Variants in HIVEP3 observed in about 807,000 individuals in gnomAD.
HIVEP3 encodes transcription factor HIVEP3.
A neutral mutation model predicts 152.8 loss-of-function variants in HIVEP3; 49 were observed. That is an observed-to-expected ratio of 0.32 (90% CI 0.26 to 0.41). The LOEUF is 0.41. HIVEP3 is among the 10% of genes least tolerant of loss of function. The pLI, the probability that HIVEP3 is intolerant of heterozygous loss-of-function variation, is 1.00. For synonymous variants in HIVEP3, 1,269 were observed against 1,289.0 expected, an observed-to-expected ratio of 0.98 and a Z score of 0.33; for missense variants, 2,790 against 3,103.3, an observed-to-expected ratio of 0.90 and a Z score of 2.40.
chr1:41,876,359 C>T (rs1229898430), intron 1 of HIVEP3, among the ~76,000 whole-genome samples: 1 of 152,122 alleles, frequency 6.6e-6, no homozygotes, highest in African/African-American at 2.4e-5. Flanking sequence ...GGGTTCAAGT[C>T]CCAACTCTGC....
At chr1:41,891,521 G>A (rs1208855911) in intron 1 of HIVEP3, among the ~76,000 whole-genome samples, 1 of 152,196 alleles carries the variant, frequency 6.6e-6, no homozygotes, top group African/African-American at 2.4e-5. Flanking sequence ...CCTGCTCTGG[G>A]AGTCAACGCT....
At position 41,994,501 on chromosome 1, in the gene HIVEP3, T is replaced by C. The variant is rs142940034; in HGVS notation, n.119+41306A>G. 2.7e-3 allele frequency among the ~76,000 whole-genome samples: 418 copies of C among 152,304 alleles called. 2 individuals are homozygous for C. The highest frequency in any genetic ancestry group is 0.014 in the Middle Eastern group (4 of 294). On this transcript the variant is annotated intron_variant and non_coding_transcript_variant, in intron 1 of 3. Transcript: ENST00000489103. Reference sequence around the variant, plus strand: ...GGTTTCCCCCATGCTGTTCTCATGATAGTGAATGAGTTCTTGCGAGATGTG... The same window carrying C: ...GGTTTCCCCCATGCTGTTCTCATGACAGTGAATGAGTTCTTGCGAGATGTG...
chr1:41,998,538 T>G (rs1645408156), intron 1 of HIVEP3, among the ~76,000 whole-genome samples: 1 of 152,248 alleles, frequency 6.6e-6, no homozygotes, highest in Admixed American at 6.5e-5. Context: ...AATGGATGTT[T>G]GTAAACCACA....
Position 41,513,675 on chromosome 1 carries a change from T to C in HIVEP3, c.5546A>G (p.Asp1849Gly). 1 of 1,612,630 alleles carries C rather than the reference T, an allele frequency of 6.2e-7. No homozygotes were observed. Among genetic ancestry groups the C allele is most frequent in the Non-Finnish European group, 8.5e-7 (1 of 1,179,468 alleles). ...SEAVEEHQFS[D>G]LEDSDSDSDL... ...TGAGTCTGAGTCCGAGTCCTCCAGG[T>C]CCGAAAACTGGTGCTCCTCCACAGC... is the stretch of plus-strand genomic sequence containing the variant. Residue 1849 changes from aspartate to glycine, a missense_variant, in exon 8 of 9, where the codon GAC (aspartate) becomes GGC (glycine). Around this residue, in one of 9 missense-constraint regions of HIVEP3, gnomAD observed 816 missense variants for 806.5 expected, o/e 1.01. Coordinates refer to ENST00000372583, the MANE Select transcript of HIVEP3 (RefSeq NM_024503.5).
At chr1:41,676,571 T>C (rs1429432941) in intron 2 of HIVEP3, among the ~76,000 whole-genome samples, 2 of 152,224 alleles carry the variant, frequency 1.3e-5, no homozygotes, top group Admixed American at 6.5e-5. Context: ...ATGATTTACA[T>C]ATTTTGCCTC....
intron 1 of HIVEP3, among the ~76,000 whole-genome samples, chr1:41,815,474 AAAAG>A (rs1651204571): frequency 6.6e-6 from 1 of 152,184 alleles, no homozygotes; most frequent in South Asian, 2.1e-4. Flanking sequence ...CTGTCTCAAA[AAAAG>A]AAAGAAAAAA....
chr1:41,753,936 TG>T (rs1437836685), intron 1 of HIVEP3, among the ~76,000 whole-genome samples: 2 of 151,436 alleles, frequency 1.3e-5, no homozygotes, highest in African/African-American at 4.9e-5. Flanking sequence ...CAGCGGGTGG[TG>T]GGGGTAAGAG....
intron 3 of HIVEP3, among the ~76,000 whole-genome samples, chr1:41,609,832 T>A (rs540534895): frequency 6.6e-6 from 1 of 152,384 alleles, no homozygotes; most frequent in African/African-American, 2.4e-5. Flanking sequence ...TAATTTTGTG[T>A]CAAGTTGGCT....
At chr1:41,517,112 G>A (rs1341478867) in intron 7 of HIVEP3, among the ~76,000 whole-genome samples, 1 of 152,222 alleles carries the variant, frequency 6.6e-6, no homozygotes, top group Non-Finnish European at 1.5e-5. Flanking sequence ...GTGGCTCTGA[G>A]CATCCTCGTT....
At chr1:41,566,857 G>A (rs958683672) in intron 5 of HIVEP3, among the ~76,000 whole-genome samples, 8 of 152,130 alleles carry the variant, frequency 5.3e-5, no homozygotes, top group Non-Finnish European at 7.4e-5. Context: ...CCCTAGAAAT[G>A]CTGGTATCCT....
chr1:42,019,371 A>G (rs967806395), intron 1 of HIVEP3, among the ~76,000 whole-genome samples: 2 of 152,052 alleles, frequency 1.3e-5, no homozygotes, highest in East Asian at 3.8e-4. Context: ...CATTCTATGA[A>G]CATGGTATAT....
intron 1 of HIVEP3, among the ~76,000 whole-genome samples, chr1:41,977,679 A>G (rs1334801606): frequency 1.3e-5 from 2 of 152,226 alleles, no homozygotes; most frequent in Admixed American, 6.5e-5. Flanking sequence ...TGCAACATAC[A>G]AGGACAGTGC....
chr1:41,565,323 G>A (rs1002004831), intron 5 of HIVEP3, among the ~76,000 whole-genome samples: 5 of 150,496 alleles, frequency 3.3e-5, no homozygotes, highest in African/African-American at 1.2e-4. Flanking sequence ...AGCACATTAT[G>A]TAGAGATATG....
chr1:41,582,583 T>A lies in HIVEP3; in HGVS notation c.2215A>T (p.Ser739Cys). The change falls in exon 4 of 9, where the codon AGC (serine) becomes TGC (cysteine). Residue 739 changes from serine (S) to cysteine (C), a missense_variant. Ser to Cys is a moderately radical substitution (Grantham distance 112). This residue lies in a region of HIVEP3 where 339 missense variants were observed against 327.0 expected (regional missense o/e 1.04). Transcript: ENST00000372583. The surrounding 1 kb of genome is among the most constrained non-coding windows in gnomAD (Gnocchi z 4.7). ...AFESTKSQFG[S>C]PGPSDAARNL... ...CGAGCAGCATCAGATGGCCCGGGGC[T>A]GCCAAACTGACTTTTTGTGGACTCA... 1 of 1,612,576 alleles carries A rather than the reference T, an allele frequency of 6.2e-7. No individual in the cohort carries two copies. The highest frequency in any genetic ancestry group is 8.5e-7 in the Non-Finnish European group (1 of 1,179,166).
intron 5 of HIVEP3, among the ~76,000 whole-genome samples, chr1:41,527,608 T>A (rs1462097370): frequency 9.3e-6 from 1 of 107,640 alleles, no homozygotes; most frequent in Non-Finnish European, 1.9e-5. Context: ...TCGCATACTC[T>A]ACTCCCCACC....
chr1:41,634,072 A>G (rs1273744718), intron 2 of HIVEP3, among the ~76,000 whole-genome samples: 2 of 152,280 alleles, frequency 1.3e-5, no homozygotes, highest in Admixed American at 6.5e-5. Flanking sequence ...TCTCAAAGCC[A>G]GAGAGAAGTA....
At chr1:42,034,551 T>C (rs749397453) in intron 1 of HIVEP3, among the ~76,000 whole-genome samples, 1 of 152,170 alleles carries the variant, frequency 6.6e-6, no homozygotes, top group Admixed American at 6.5e-5. Context: ...AAAGTGCTAA[T>C]TAAGTCCACT....
chr1:41,632,418 G>A (rs1208148874), intron 2 of HIVEP3, among the ~76,000 whole-genome samples: 1 of 152,140 alleles, frequency 6.6e-6, no homozygotes, highest in East Asian at 1.9e-4. Flanking sequence ...AAAAGAAAGA[G>A]GATATTTAAA....
intron 1 of HIVEP3, among the ~76,000 whole-genome samples, chr1:41,715,621 A>G (rs1646580868): frequency 6.6e-6 from 1 of 152,228 alleles, no homozygotes; most frequent in Non-Finnish European, 1.5e-5. Flanking sequence ...TGTCATGGTC[A>G]TGCAATATGA....
Sources: allele counts gnomAD v4.1 joint callset (sites outside exome capture counted in the v4.1 genomes callset), GRCh38; gene constraint gnomAD v4.1.1; regional missense constraint gnomAD v4.1.1; non-coding constraint Gnocchi (gnomAD v3.1); transcripts MANE v1.5; gene names NCBI Gene and HGNC (gene_info 2026-07-23, HGNC 2026-07-21).